Variants in MED29 observed in about 807,000 individuals in gnomAD.
MED29 encodes mediator complex subunit 29, also known as mediator of RNA polymerase II transcription subunit 29.
A neutral mutation model predicts 22.0 loss-of-function variants in MED29; 14 were observed. The observed-to-expected ratio is 0.64, with a 90% CI of 0.42 to 0.99. The LOEUF (loss-of-function observed/expected upper bound fraction) is 0.99. MED29 is among the 50% of genes least tolerant of loss of function. The pLI is 0.00. For synonymous variants in MED29, 123 were observed against 107.8 expected (o/e 1.14, Z -0.87); for missense variants, 241 against 253.7 (o/e 0.95, Z 0.34).
In MED29 at chr19:39,397,775, A is replaced by T; in HGVS notation, c.*76A>T. 1.3e-6 allele frequency: 2 copies of T among 1,539,288 alleles called. No individual in the cohort carries two copies. Among genetic ancestry groups the T allele is most frequent in the Non-Finnish European group, 8.7e-7 (1 of 1,144,312 alleles). Reference sequence around the variant, plus strand: ...GGGAATGAAGAGCGTCCTGGGCCTAAACACAGCAGCCTCCTCTCTTCCTGC... The same window carrying T: ...GGGAATGAAGAGCGTCCTGGGCCTATACACAGCAGCCTCCTCTCTTCCTGC... On this transcript the variant is annotated 3_prime_UTR_variant, in exon 4 of 4. Coordinates refer to ENST00000315588, the MANE Select transcript of MED29 (RefSeq NM_017592.4).
chr19:39,393,541 C>A lies in MED29; in HGVS notation c.276-12C>A, dbSNP rs1195261816. On this transcript the variant is annotated splice_polypyrimidine_tract_variant and intron_variant, in intron 2 of 3. Transcript: ENST00000315588. The stretch of plus-strand genomic sequence containing the variant: ...ATCAATTCTTCAGACATCCTTTTTT[C>A]CTTGTCTGTAGAAAGAGCAGTGATG... 6.2e-7 allele frequency: 1 copy of A among 1,610,850 alleles called. No homozygotes were observed. Among genetic ancestry groups the A allele is most frequent in the Non-Finnish European group, 8.5e-7 (1 of 1,177,958 alleles).
chr19:39,393,364 G>A (rs2078410037), intron 2 of MED29, among the ~76,000 whole-genome samples, 189 bp from the exon 3 acceptor site: 2 of 151,954 alleles, frequency 1.3e-5, no homozygotes, highest in African/African-American at 2.4e-5. Context: ...CCAAAGTGCT[G>A]GGATTACAGG....
rs1159857364 is a variant in MED29, at chr19:39,391,512, G to A, written c.90G>A (p.Gln30=). The change falls in exon 1 of 4, where the codon CAG becomes CAA. Residue 30 remains glutamine, a synonymous_variant. Transcript: ENST00000315588. ...CGGCTGGCGGCCCGGGTCCCCAGCA[G>A]CAGCCGCAACCGCCAGCACAACTGG... ...PSSAGGPGPQ[Q]QPQPPAQLVG... 1 of 1,612,504 alleles carries A rather than the reference G, an allele frequency of 6.2e-7. No homozygotes were observed. Among genetic ancestry groups the A allele is most frequent in the Admixed American group, 1.7e-5 (1 of 59,990 alleles).
At chr19:39,393,822 G>A (rs1452762815) in intron 3 of MED29, among the ~76,000 whole-genome samples, 185 bp downstream of exon 3, 1 of 152,228 alleles carries the variant, frequency 6.6e-6, no homozygotes, top group Non-Finnish European at 1.5e-5. Context: ...CAGTTGAGTG[G>A]AATAATAAGC....
rs1199660381 is a variant in MED29, at chr19:39,393,602, T to G, written c.325T>G (p.Phe109Val). 6 of 1,613,808 alleles carry G rather than the reference T, an allele frequency of 3.7e-6. No individual in the cohort carries two copies. Among genetic ancestry groups the G allele is most frequent in the Non-Finnish European group, 4.2e-6 (5 of 1,179,958 alleles). Residue 109 changes from phenylalanine to valine, a missense_variant, in exon 3 of 4, where the codon TTC (phenylalanine) becomes GTC (valine). By Grantham distance (50) the Phe-to-Val change is conservative. Coordinates refer to ENST00000315588, the MANE Select transcript of MED29 (RefSeq NM_017592.4). Reference protein sequence around the residue: ...IQRFDKCLEEFYALCDQLELC... With the variant: ...IQRFDKCLEEVYALCDQLELC... Reference sequence around the variant, plus strand: ...GCGCTTTGACAAGTGCCTGGAAGAGTTCTATGCACTCTGTGACCAGCTGGA... The same window carrying G: ...GCGCTTTGACAAGTGCCTGGAAGAGGTCTATGCACTCTGTGACCAGCTGGA...
rs1451936739 is a variant in MED29 at position 39,399,650 on chromosome 19, T to C, written c.*1951T>C. The C allele has an allele frequency of 1.3e-5, 2 of 152,304 alleles. No individual in the cohort carries two copies. The highest frequency in any genetic ancestry group is 4.8e-5 in the African/African-American group (2 of 41,440). 9.4% of individuals were successfully genotyped at this position (152,304 alleles called of 1,614,324 possible). A position where few individuals can be genotyped will look rare whatever the true frequency, so the allele number is the denominator to read the frequency against. ...AACATAGTCATAGTCCCACCCAACA[T>C]GATGCAGTTATCTTGCATACAACTG... On this transcript the variant is annotated 3_prime_UTR_variant, in exon 4 of 4. Transcript: ENST00000315588.
At chr19:39,392,695 T>C (rs1453280141) in intron 2 of MED29, 173 bp downstream of exon 2, 5 of 595,498 alleles carry the variant, frequency 8.4e-6, no homozygotes, top group Admixed American at 6.4e-5. Context: ...GGCACGATCT[T>C]GGCTCATTGC....
intron 1 of MED29, 147 bp from the exon 2 acceptor site, chr19:39,392,317 C>T (rs1474752344): frequency 3.4e-5 from 24 of 705,460 alleles, no homozygotes; most frequent in Non-Finnish European, 5.1e-5. Context: ...GGAATGGAAA[C>T]GAATATTACT....
rs2061852772 is a variant in MED29, at chr19:39,400,274, A to C, written c.*2575A>C. 1 of 152,174 alleles carries C rather than the reference A, an allele frequency of 6.6e-6. No individual in the cohort carries two copies. Among genetic ancestry groups the C allele is most frequent in the African/African-American group, 2.4e-5 (1 of 41,426 alleles). 9.4% of individuals were successfully genotyped at this position (152,174 alleles called of 1,614,324 possible). ...CGTGCCCAGGTTCCCAGGTACTCGG[A>C]GGCTGAGAGGTGGGAGGATGCCTTG... On this transcript the variant is annotated 3_prime_UTR_variant, in exon 4 of 4. Coordinates refer to ENST00000315588, the MANE Select transcript of MED29 (RefSeq NM_017592.4).
chr19:39,397,385 A>T, intron 3 of MED29, 72 bp from the exon 4 acceptor site: 2 of 1,519,290 alleles, frequency 1.3e-6, no homozygotes, highest in Non-Finnish European at 1.8e-6. Context: ...GACAACCCCC[A>T]GCTGGCCCTT....
In MED29 at chr19:39,392,459, A is replaced by G. The variant is rs759459711; in HGVS notation, c.217-5A>G. ...TCCCACGTGTTTTGTTTTTGTTTTG[A>G]CTAGACCTTGATGAAGGTTGCGGCC... is the stretch of plus-strand genomic sequence containing the variant. On this transcript the variant is annotated splice_region_variant and splice_polypyrimidine_tract_variant and intron_variant, in intron 1 of 3. Coordinates refer to ENST00000315588, the MANE Select transcript of MED29 (RefSeq NM_017592.4). The G allele has an allele frequency of 3.1e-6, 5 of 1,613,468 alleles. No homozygotes were observed. The highest frequency in any genetic ancestry group is 3.3e-5 in the Admixed American group (2 of 59,962).
At chr19:39,391,725 A>G (rs957918059) in intron 1 of MED29, 87 bp downstream of exon 1, 8 of 1,451,492 alleles carry the variant, frequency 5.5e-6, no homozygotes, top group Non-Finnish European at 1.8e-6. Context: ...AGAGAGCGCT[A>G]AGCAGAAAGA....
intron 3 of MED29, among the ~76,000 whole-genome samples, chr19:39,395,835 T>G (rs2078425327): frequency 6.6e-6 from 1 of 151,556 alleles, no homozygotes; most frequent in Non-Finnish European, 1.5e-5. Context: ...GAGAATGGCA[T>G]GAACCCGGGA....
intron 2 of MED29, 102 bp downstream of exon 2, chr19:39,392,624 C>CAT: frequency 3.8e-6 from 2 of 519,948 alleles, no homozygotes; most frequent in Non-Finnish European, 6.0e-6. Context: ...TCTATATTTA[C>CAT]TTTTTTTTTT....
At chr19:39,393,156 T>C in intron 2 of MED29, among the ~76,000 whole-genome samples, 1 of 139,102 alleles carries the variant, frequency 7.2e-6, no homozygotes, top group East Asian at 2.3e-4. Context: ...AGTGCAGTGG[T>C]GTAGTCTCAG....
intron 3 of MED29, among the ~76,000 whole-genome samples, chr19:39,396,996 C>T (rs1358619115): frequency 1.3e-5 from 2 of 151,506 alleles, no homozygotes; most frequent in East Asian, 3.9e-4. Flanking sequence ...CCATTGCACT[C>T]CAGCCTGGGC....
chr19:39,396,128 G>A (rs887433384), intron 3 of MED29, among the ~76,000 whole-genome samples: 1 of 152,134 alleles, frequency 6.6e-6, no homozygotes, highest in Non-Finnish European at 1.5e-5. Flanking sequence ...CTGCACTTAC[G>A]TCTTAGGTAG....
At chr19:39,393,780 G>C in intron 3 of MED29, 143 bp downstream of exon 3, 1 of 723,910 alleles carries the variant, frequency 1.4e-6, no homozygotes, top group Admixed American at 2.1e-5. Flanking sequence ...GAGGACACAG[G>C]GTTGCTCTGA....
Position 39,391,413 on chromosome 19 carries a change from C to G in MED29, c.-10C>G. On this transcript the variant is annotated 5_prime_UTR_variant, in exon 1 of 4. Coordinates refer to ENST00000315588, the MANE Select transcript of MED29 (RefSeq NM_017592.4). ...GTCGTAACGCACTTCCGGCGGTCTACGCGAGGAAGATGGCTGCATCCCAGC... is the reference window on the plus strand; with the variant it reads ...GTCGTAACGCACTTCCGGCGGTCTAGGCGAGGAAGATGGCTGCATCCCAGC... 2 of 1,611,496 alleles carry G rather than the reference C, an allele frequency of 1.2e-6. No homozygotes were observed. The highest frequency in any genetic ancestry group is 1.3e-5 in the African/African-American group (1 of 75,028).
Sources: allele counts gnomAD v4.1 joint callset (sites outside exome capture counted in the v4.1 genomes callset), GRCh38; gene constraint gnomAD v4.1.1; transcripts MANE v1.5; gene names NCBI Gene and HGNC (gene_info 2026-07-23, HGNC 2026-07-21).